VIPR2: variants seen among roughly 807,000 people sequenced by gnomAD.
VIPR2 encodes vasoactive intestinal peptide receptor 2.
Under a neutral mutation model 58.0 loss-of-function variants are expected in VIPR2, and 48 were observed. The observed-to-expected ratio is 0.83, with a 90% CI of 0.66 to 1.05. The LOEUF (loss-of-function observed/expected upper bound fraction) is 1.05, where lower values mean the gene tolerates loss of function less well. VIPR2 is among the 50% of genes least tolerant of loss of function. The pLI, the probability that VIPR2 is intolerant of heterozygous loss-of-function variation, is 0.00. For missense variants in VIPR2, 534 were observed against 558.0 expected (o/e 0.96, Z 0.43); for synonymous variants, 243 against 235.2 (o/e 1.03, Z -0.30).
rs143911863 is a variant in VIPR2, at chr7:159,102,110, C to T, written c.357+1647G>A. ...TTCCTGTGGTAGTGAACTGGTCTCA[C>T]GAGATCCGACAAGGCCGTTCCCCCG... On this transcript the variant is annotated intron_variant, in intron 4 of 12. Coordinates refer to ENST00000262178, the MANE Select transcript of VIPR2 (RefSeq NM_003382.5). 5.1e-4 allele frequency among the ~76,000 whole-genome samples: 66 copies of T among 130,170 alleles called. 1 individual carries two copies. The highest frequency in any genetic ancestry group is 4.4e-3 in the East Asian group (18 of 4,118). The allele number at this position is 130,170 out of a possible 152,430, so 85.4% of individuals were successfully genotyped here.
chr7:159,061,824 C>T (rs767397106), intron 4 of VIPR2, among the ~76,000 whole-genome samples: 1 of 152,068 alleles, frequency 6.6e-6, no homozygotes, highest in African/African-American at 2.4e-5. Flanking sequence ...CGAGCCGCGG[C>T]GGAGTACCGG....
chr7:159,046,743 A>G (rs1854675265), intron 5 of VIPR2, among the ~76,000 whole-genome samples: 1 of 152,224 alleles, frequency 6.6e-6, no homozygotes, highest in Non-Finnish European at 1.5e-5. Context: ...TTTTTAAACA[A>G]TTATGGCCAG....
chr7:159,072,095 G>A (rs1856437130), intron 4 of VIPR2, among the ~76,000 whole-genome samples: 1 of 147,944 alleles, frequency 6.8e-6, no homozygotes, highest in Non-Finnish European at 1.5e-5. Context: ...AGCACCTGCT[G>A]GATGAAGGCA....
At chr7:159,083,354 C>G (rs1857009695) in intron 4 of VIPR2, among the ~76,000 whole-genome samples, 2 of 152,260 alleles carry the variant, frequency 1.3e-5, no homozygotes, top group Admixed American at 1.3e-4. Context: ...TGCGAGGAAT[C>G]TCAATGGGCG....
intron 4 of VIPR2, among the ~76,000 whole-genome samples, chr7:159,062,124 TCCCAACAGGGA>T (rs370877233): frequency 1.3e-5 from 2 of 151,996 alleles, no homozygotes; most frequent in African/African-American, 4.8e-5. Flanking sequence ...ACTGGCCGGA[TCCCAACAGGGA>T]CTTGATGGGG....
rs183831661 is a variant in VIPR2, at chr7:159,073,843, G to A, written c.358-15265C>T. ...CTCTACACCTCTTCTGGGCTGTGGA[G>A]CTGTCTGTCCATCTAAGGGAGACGT... On this transcript the variant is annotated intron_variant, in intron 4 of 12. Coordinates refer to ENST00000262178, the MANE Select transcript of VIPR2 (RefSeq NM_003382.5). Among the ~76,000 whole-genome samples the A allele has an allele frequency of 4.9e-3, 749 of 152,312 alleles. 8 individuals are homozygous for A. The highest frequency in any genetic ancestry group is 0.016 in the African/African-American group (676 of 41,568).
At chr7:159,125,012 T>C (rs907612568) in intron 2 of VIPR2, among the ~76,000 whole-genome samples, 1 of 152,230 alleles carries the variant, frequency 6.6e-6, no homozygotes, top group Non-Finnish European at 1.5e-5. Flanking sequence ...CTGAAGTTGT[T>C]TATCAGCTGA....
intron 4 of VIPR2, among the ~76,000 whole-genome samples, chr7:159,078,733 C>T (rs1377854988): frequency 6.6e-6 from 1 of 152,148 alleles, no homozygotes; most frequent in Non-Finnish European, 1.5e-5. Flanking sequence ...TGTTGCATCG[C>T]GTTGTGCCTA....
chr7:159,093,497 T>C lies in VIPR2; in HGVS notation c.357+10260A>G, dbSNP rs908739208. Among the ~76,000 whole-genome samples, 1 of 152,120 alleles carries C rather than the reference T, an allele frequency of 6.6e-6. No homozygotes were observed. Among genetic ancestry groups the C allele is most frequent in the African/African-American group, 2.4e-5 (1 of 41,430 alleles). On this transcript the variant is annotated intron_variant, in intron 4 of 12. Coordinates refer to ENST00000262178, the MANE Select transcript of VIPR2 (RefSeq NM_003382.5). The surrounding 1 kb of genome is among the most constrained non-coding windows in gnomAD (Gnocchi z 6.7). ...CTCTCCAACTCACTCAGGGGAGATT[T>C]TTAAAAATAGTCTTATTTCTCACAA...
At chr7:159,118,138 C>T (rs567534500) in intron 2 of VIPR2, among the ~76,000 whole-genome samples, 10 of 152,196 alleles carry the variant, frequency 6.6e-5, no homozygotes, top group Non-Finnish European at 1.0e-4. Context: ...GAGCCACTCT[C>T]TTCCTGCTGG....
At chr7:159,105,150 T>G (rs893287999) in intron 3 of VIPR2, among the ~76,000 whole-genome samples, 2 of 152,194 alleles carry the variant, frequency 1.3e-5, no homozygotes, top group African/African-American at 4.8e-5. Flanking sequence ...CAGTAAGTGA[T>G]AAAGCTCTCG....
chr7:159,118,186 G>A (rs1252231545), intron 2 of VIPR2, among the ~76,000 whole-genome samples: 1 of 152,188 alleles, frequency 6.6e-6, no homozygotes, highest in Non-Finnish European at 1.5e-5. Flanking sequence ...CCTTCCGAAG[G>A]TGGGTGTTTA....
chr7:159,112,214 T>C (rs1030940664), intron 2 of VIPR2, among the ~76,000 whole-genome samples: 2 of 152,358 alleles, frequency 1.3e-5, no homozygotes, highest in South Asian at 2.1e-4. Flanking sequence ...ATCCCTTCAA[T>C]GGCCAGGGAA....
chr7:159,044,867 G>A (rs10274787), intron 5 of VIPR2, among the ~76,000 whole-genome samples: 111,378 of 151,854 alleles, frequency 0.73, 41,534 homozygotes, highest in East Asian at 0.82. Context: ...CCTGATTCAA[G>A]TGATTCTCCT....
At position 159,095,985 on chromosome 7, in the gene VIPR2, G is replaced by A. The variant is rs535433790; in HGVS notation, c.357+7772C>T. 2.0e-5 allele frequency among the ~76,000 whole-genome samples: 3 copies of A among 152,122 alleles called. No individual in the cohort carries two copies. The highest frequency in any genetic ancestry group is 2.9e-5 in the Non-Finnish European group (2 of 67,998). ...GTGGTGTATGATCTGGAGGCTCCCC[G>A]GGGGCTCCTGGCAACAAGCTGCAGG... On this transcript the variant is annotated intron_variant, in intron 4 of 12. Transcript: ENST00000262178. This position sits in a 1 kb window ranked among gnomAD's most constrained non-coding sequence, Gnocchi z 5.2.
intron 4 of VIPR2, among the ~76,000 whole-genome samples, chr7:159,080,600 G>A (rs1856853586): frequency 6.6e-6 from 1 of 152,210 alleles, no homozygotes; most frequent in Non-Finnish European, 1.5e-5. Flanking sequence ...TCAACATAGT[G>A]TTGGAAGTTC....
chr7:159,128,974 C>A lies in VIPR2; in HGVS notation c.151+13472G>T, dbSNP rs538405972. Among the ~76,000 whole-genome samples the A allele has an allele frequency of 3.7e-4, 56 of 152,324 alleles. No homozygotes were observed. Among genetic ancestry groups the A allele is most frequent in the African/African-American group, 1.3e-3 (54 of 41,568 alleles). ...CAGCCCGAGCGCCAGTGTAAATGCA[C>A]CCCCTCCCTCCTGTGAGCTCCCACA... On this transcript the variant is annotated intron_variant, in intron 2 of 12. Coordinates refer to ENST00000262178, the MANE Select transcript of VIPR2 (RefSeq NM_003382.5). This position sits in a 1 kb window ranked among gnomAD's most constrained non-coding sequence, Gnocchi z 4.1.
intron 2 of VIPR2, among the ~76,000 whole-genome samples, chr7:159,135,465 A>T (rs1797177790): frequency 6.6e-6 from 1 of 152,080 alleles, no homozygotes; most frequent in African/African-American, 2.4e-5. Context: ...AATAATATTT[A>T]AAAAGGAAAG....
At chr7:159,032,216 C>A (rs1463777728) in intron 10 of VIPR2, 149 bp from the exon 11 acceptor site, 8 of 1,154,822 alleles carry the variant, frequency 6.9e-6, no homozygotes, top group Non-Finnish European at 9.6e-6. Flanking sequence ...ACAAGAAAAA[C>A]CACTGTTTCT....
Sources: allele counts gnomAD v4.1 joint callset (sites outside exome capture counted in the v4.1 genomes callset), GRCh38; gene constraint gnomAD v4.1.1; non-coding constraint Gnocchi (gnomAD v3.1); transcripts MANE v1.5; gene names NCBI Gene and HGNC (gene_info 2026-07-23, HGNC 2026-07-21).